The following PTPRG variants were observed in gnomAD, a reference collection of about 807,000 sequenced individuals.
PTPRG encodes protein tyrosine phosphatase receptor type G, also known as receptor-type tyrosine-protein phosphatase gamma.
A neutral mutation model predicts 165.3 loss-of-function variants in PTPRG; 102 were observed. That is an observed-to-expected ratio of 0.62 (90% CI 0.53 to 0.73). The LOEUF is 0.73. PTPRG is among the 30% of genes least tolerant of loss of function. PTPRG has a pLI of 0.00. For synonymous variants in PTPRG, 675 were observed against 669.5 expected (o/e 1.01, Z -0.13); for missense variants, 1,866 against 1,861.4 (o/e 1.00, Z -0.05).
intron 2 of PTPRG, among the ~76,000 whole-genome samples, chr3:61,843,637 C>G (rs1226623065): frequency 6.6e-6 from 1 of 152,088 alleles, no homozygotes; most frequent in African/African-American, 2.4e-5. Context: ...ATCCCTAAGG[C>G]AATTTTCTTC....
At chr3:62,179,338 G>C (rs1178291252) in intron 8 of PTPRG, among the ~76,000 whole-genome samples, 1 of 152,208 alleles carries the variant, frequency 6.6e-6, no homozygotes, top group Non-Finnish European at 1.5e-5. Flanking sequence ...CTGGTTTTGT[G>C]ATTCCTAAGC....
chr3:61,777,724 C>T (rs545715143), intron 2 of PTPRG, among the ~76,000 whole-genome samples: 3 of 152,278 alleles, frequency 2.0e-5, no homozygotes, highest in Admixed American at 6.5e-5. Flanking sequence ...GATTACGTGA[C>T]AAGAACATAT....
At chr3:61,925,693 A>G (rs2039190600) in intron 2 of PTPRG, among the ~76,000 whole-genome samples, 1 of 152,080 alleles carries the variant, frequency 6.6e-6, no homozygotes, top group Non-Finnish European at 1.5e-5. Context: ...CAGTGAGCCA[A>G]GACTGTGCCA....
chr3:61,819,892 G>A lies in PTPRG; in HGVS notation c.190+70910G>A, dbSNP rs112246110. On this transcript the variant is annotated intron_variant, in intron 2 of 29. Transcript: ENST00000474889. ...TTTGGATCCTGATTGAAGCAAACAC[G>A]TTGTAAAATGGAAAACATTATAACT... is the stretch of plus-strand genomic sequence containing the variant. Among the ~76,000 whole-genome samples, 174 of 152,224 alleles carry A rather than the reference G, an allele frequency of 1.1e-3. 1 individual carries two copies. The highest frequency in any genetic ancestry group is 3.6e-3 in the African/African-American group (149 of 41,538).
Position 62,072,556 on chromosome 3 carries a change from G to A in PTPRG, c.520-5607G>A, listed in dbSNP as rs571169990. On this transcript the variant is annotated intron_variant, in intron 4 of 29. Coordinates refer to ENST00000474889, the MANE Select transcript of PTPRG (RefSeq NM_002841.4). ...TGTGCCCTGGTGCAAGCAGTCTATC[G>A]GTGGCTTTTTAATTGAGTTTCATAG... Among the ~76,000 whole-genome samples the A allele has an allele frequency of 2.2e-4, 34 of 151,596 alleles. No individual in the cohort carries two copies. In the East Asian group the frequency reaches 5.1e-3, roughly 23 times the overall value.
Position 62,132,659 on chromosome 3 carries a change from G to A in PTPRG, c.673G>A (p.Val225Ile). ...TATTATCCACGGGTTGAAGGGTGTC[G>A]TACATCATGGTAAGTATGCCACATA... is the stretch of plus-strand genomic sequence containing the variant. ...DPIIHGLKGV[V>I]HHEKETFLDP... The change falls in exon 6 of 30, where the codon GTA becomes ATA. Residue 225 changes from valine (V) to isoleucine (I), a missense_variant. By Grantham distance (29) the Val-to-Ile change is conservative (BLOSUM62 3). Transcript: ENST00000474889. The A allele has an allele frequency of 2.5e-6, 4 of 1,609,040 alleles. No homozygotes were observed. Among genetic ancestry groups the A allele is most frequent in the Non-Finnish European group, 3.4e-6 (4 of 1,175,414 alleles).
chr3:61,908,025 G>T (rs2107533836), intron 2 of PTPRG, among the ~76,000 whole-genome samples: 1 of 150,788 alleles, frequency 6.6e-6, no homozygotes, highest in East Asian at 2.0e-4. Flanking sequence ...GGAGGCTGAG[G>T]CAAGAGGATG....
chr3:62,057,998 C>G (rs928671980), intron 4 of PTPRG, among the ~76,000 whole-genome samples: 12 of 152,222 alleles, frequency 7.9e-5, no homozygotes, highest in Non-Finnish European at 1.6e-4. Context: ...TACTCTAACC[C>G]TTAGACCAGA....
At position 62,295,148 on chromosome 3, in the gene PTPRG, A is replaced by G. The variant is rs939980166; in HGVS notation, c.*1841A>G. The G allele has an allele frequency of 3.3e-5, 5 of 152,180 alleles. No individual in the cohort carries two copies. The highest frequency in any genetic ancestry group is 6.5e-5 in the Admixed American group (1 of 15,272). The allele number at this position is 152,180 out of a possible 1,614,324, so 9.4% of individuals were successfully genotyped here. A position where few individuals can be genotyped will look rare whatever the true frequency, so the allele number is the denominator to read the frequency against. On this transcript the variant is annotated 3_prime_UTR_variant, in exon 30 of 30. Coordinates refer to ENST00000474889, the MANE Select transcript of PTPRG (RefSeq NM_002841.4). ...CTAGTCCTGAGATAAGATGTTCAAG[A>G]GAGCATGCTAAGTTGCATGTGCTAG...
At chr3:61,584,380 G>A (rs575011708) in intron 1 of PTPRG, among the ~76,000 whole-genome samples, 99 of 152,282 alleles carry the variant, frequency 6.5e-4, no homozygotes, top group African/African-American at 2.3e-3. Flanking sequence ...TCCTTAGAGT[G>A]GAGGTCAGCA....
intron 1 of PTPRG, among the ~76,000 whole-genome samples, chr3:61,688,114 T>C (rs1703698391): frequency 6.6e-6 from 1 of 152,198 alleles, no homozygotes; most frequent in African/African-American, 2.4e-5. Context: ...GTTGAGGTGG[T>C]TGTCAGGGAA....
At chr3:61,992,921 C>T (rs535677194) in intron 3 of PTPRG, among the ~76,000 whole-genome samples, 1 of 152,322 alleles carries the variant, frequency 6.6e-6, no homozygotes, top group African/African-American at 2.4e-5. Context: ...CCTGCCTCAG[C>T]CTCCCAAAAT....
intron 7 of PTPRG, among the ~76,000 whole-genome samples, chr3:62,164,552 T>G (rs1261662544): frequency 2.0e-5 from 3 of 152,190 alleles, no homozygotes; most frequent in African/African-American, 7.2e-5. Context: ...CAAGCGCAAC[T>G]GTGATCCAGT....
rs529043825 is a variant in PTPRG, at chr3:61,748,974, C to T, written c.182C>T (p.Ala61Val). 1.9e-6 allele frequency: 3 copies of T among 1,611,062 alleles called. No individual in the cohort carries two copies. Among genetic ancestry groups the T allele is most frequent in the African/African-American group, 1.3e-5 (1 of 74,982 alleles). ...AAGGCTTCAGGCGACCCGTACTGGG[C>T]CTACTCTGGTAAGTCCAGTTGTTCT... Reference protein sequence around the residue: ...RRKASGDPYWAYSGAYGPEHW... With the variant: ...RRKASGDPYWVYSGAYGPEHW... Residue 61 changes from alanine (A) to valine (V), a missense_variant, in exon 2 of 30, where the codon GCC (alanine) becomes GTC (valine). Physicochemically the swap from Ala to Val is moderately conservative, Grantham distance 64 (BLOSUM62 0). Transcript: ENST00000474889.
At chr3:62,202,681 A>G (rs757280224) in intron 11 of PTPRG, among the ~76,000 whole-genome samples, 1 of 152,114 alleles carries the variant, frequency 6.6e-6, no homozygotes, top group African/African-American at 2.4e-5. Context: ...TTGTCCACCC[A>G]CTTCCTCACT....
Position 62,032,348 on chromosome 3 carries a change from C to T in PTPRG, c.519+28851C>T, listed in dbSNP as rs137986533. ...AGCTCTTTAGTGACCTTTCCCCAAG[C>T]AATTGCTTTAGATTTAGTCAATATG... On this transcript the variant is annotated intron_variant, in intron 4 of 29. Coordinates refer to ENST00000474889, the MANE Select transcript of PTPRG (RefSeq NM_002841.4). 3.0e-4 allele frequency among the ~76,000 whole-genome samples: 45 copies of T among 152,338 alleles called. 1 individual carries two copies. In the East Asian group the frequency reaches 4.4e-3, roughly 15 times the overall value.
chr3:62,042,819 G>T (rs1051877713), intron 4 of PTPRG, among the ~76,000 whole-genome samples: 2 of 152,178 alleles, frequency 1.3e-5, no homozygotes, highest in African/African-American at 4.8e-5. Context: ...TGGGTGTTCA[G>T]TAAAGATTAA....
chr3:61,825,203 G>C (rs79389940), intron 2 of PTPRG, among the ~76,000 whole-genome samples: 2,626 of 152,312 alleles, frequency 0.017, 47 homozygotes, highest in Non-Finnish European at 0.024. Flanking sequence ...CAGTAATTCT[G>C]CACATTCATG....
intron 3 of PTPRG, among the ~76,000 whole-genome samples, chr3:62,001,231 T>C (rs2041165851): frequency 6.6e-6 from 1 of 152,240 alleles, no homozygotes; most frequent in Non-Finnish European, 1.5e-5. Context: ...ACATGCTGTG[T>C]GCTCTGGTGA....
Sources: allele counts gnomAD v4.1 joint callset (sites outside exome capture counted in the v4.1 genomes callset), GRCh38; gene constraint gnomAD v4.1.1; transcripts MANE v1.5; gene names NCBI Gene and HGNC (gene_info 2026-07-23, HGNC 2026-07-21).